PPFIA2: variants seen among roughly 807,000 people sequenced by gnomAD.
PPFIA2 encodes the protein PPFI scaffold protein A2.
Under a neutral mutation model 175.5 loss-of-function variants are expected in PPFIA2, and 46 were observed. The observed-to-expected ratio is 0.26, with a 90% CI of 0.21 to 0.34. The LOEUF (loss-of-function observed/expected upper bound fraction) is 0.34, where lower values mean the gene tolerates loss of function less well. Ranked by LOEUF, PPFIA2 falls within the 10% of genes least tolerant of loss-of-function variation. The pLI is 1.00. For synonymous variants in PPFIA2, 568 were observed against 511.4 expected, an observed-to-expected ratio of 1.11 and a Z score of -1.49; for missense variants, 1,179 against 1,506.1, an observed-to-expected ratio of 0.78 and a Z score of 3.60.
Position 81,374,625 on chromosome 12 carries a change from G to C in PPFIA2, c.1266+9C>G, listed in dbSNP as rs774034482. 2 of 1,607,306 alleles carry C rather than the reference G, an allele frequency of 1.2e-6. No individual in the cohort carries two copies. Among genetic ancestry groups the C allele is most frequent in the Admixed American group, 3.4e-5 (2 of 58,828 alleles). Reference sequence around the variant, plus strand: ...ATATCTAGGTTGACCAGTTGTTCTAGTGCAGTACCTTGGTTAGGGCTGCAA... The same window carrying C: ...ATATCTAGGTTGACCAGTTGTTCTACTGCAGTACCTTGGTTAGGGCTGCAA... On this transcript the variant is annotated intron_variant, in intron 11 of 32. Coordinates refer to ENST00000549396, the MANE Select transcript of PPFIA2 (RefSeq NM_003625.5).
At chr12:81,312,077 C>A in intron 22 of PPFIA2, 2 of 1,379,296 alleles carry the variant, frequency 1.5e-6, no homozygotes, top group South Asian at 2.6e-5. Context: ...TGTTACAACT[C>A]AAAAGAGTAA....
chr12:81,566,529 TCAAAAAAAA>T (rs2071326221), intron 4 of PPFIA2, among the ~76,000 whole-genome samples: 1 of 14,826 alleles, frequency 6.7e-5, no homozygotes, highest in African/African-American at 2.1e-4. Context: ...AGACTCCAAC[TCAAAAAAAA>T]AAAAAAAAAA....
At chr12:81,628,392 T>TC (rs1378819969) in intron 4 of PPFIA2, among the ~76,000 whole-genome samples, 1 of 148,476 alleles carries the variant, frequency 6.7e-6, no homozygotes, top group Non-Finnish European at 1.5e-5. Context: ...TTTTTTTTTT[T>TC]TTTTTGATAT....
intron 4 of PPFIA2, among the ~76,000 whole-genome samples, chr12:81,499,046 T>C (rs763519422): frequency 1.3e-4 from 20 of 152,222 alleles, no homozygotes; most frequent in Non-Finnish European, 2.8e-4. Context: ...CTGCTGGCCA[T>C]AAGCCAATAC....
chr12:81,505,685 A>G (rs545975859), intron 4 of PPFIA2: 60 of 152,318 alleles, frequency 3.9e-4, no homozygotes, highest in African/African-American at 1.4e-3. Flanking sequence ...TGTTCCACAC[A>G]ATGAGTTCCC....
intron 4 of PPFIA2, among the ~76,000 whole-genome samples, chr12:81,484,965 A>C (rs1345524927): frequency 6.6e-6 from 1 of 151,894 alleles, no homozygotes; most frequent in East Asian, 1.9e-4. Flanking sequence ...ATATAGCTAC[A>C]ATATAATTAT....
chr12:81,338,732 T>C (rs1249347009), intron 21 of PPFIA2, among the ~76,000 whole-genome samples: 4 of 152,278 alleles, frequency 2.6e-5, no homozygotes, highest in South Asian at 2.1e-4. Context: ...TAAATCTACA[T>C]AGCTAAGCTT....
intron 3 of PPFIA2, among the ~76,000 whole-genome samples, chr12:81,705,495 A>G (rs894767206): frequency 2.0e-5 from 3 of 150,818 alleles, no homozygotes; most frequent in African/African-American, 7.3e-5. Context: ...GAAAAGGAAG[A>G]TACAGTACCT....
chr12:81,325,292 A>C (rs1264844504), intron 22 of PPFIA2, among the ~76,000 whole-genome samples: 1 of 152,074 alleles, frequency 6.6e-6, no homozygotes, highest in Non-Finnish European at 1.5e-5. Context: ...ATTATATATG[A>C]ATGAAAAGAT....
intron 4 of PPFIA2, among the ~76,000 whole-genome samples, chr12:81,654,307 C>G (rs954739081): frequency 2.6e-5 from 4 of 151,172 alleles, no homozygotes; most frequent in Non-Finnish European, 5.9e-5. Context: ...ATAGTAAGTC[C>G]CAATATTAAC....
intron 28 of PPFIA2, among the ~76,000 whole-genome samples, chr12:81,276,548 G>A (rs560545426): frequency 1.3e-5 from 2 of 151,940 alleles, no homozygotes; most frequent in South Asian, 4.2e-4. Context: ...ATTCTTTCTC[G>A]GGTATATTAA....
At chr12:81,584,420 A>G (rs913199085) in intron 4 of PPFIA2, among the ~76,000 whole-genome samples, 1 of 151,962 alleles carries the variant, frequency 6.6e-6, no homozygotes, top group East Asian at 1.9e-4. Flanking sequence ...TTATAGTCCT[A>G]TTATAACCTC....
At chr12:81,408,736 A>G (rs2043371089) in intron 7 of PPFIA2, among the ~76,000 whole-genome samples, 1 of 152,234 alleles carries the variant, frequency 6.6e-6, no homozygotes, top group South Asian at 2.1e-4. Context: ...AAAATGACAT[A>G]ATTTTCAACC....
intron 4 of PPFIA2, among the ~76,000 whole-genome samples, chr12:81,488,164 C>A (rs772913892): frequency 6.6e-6 from 1 of 151,676 alleles, no homozygotes; most frequent in Non-Finnish European, 1.5e-5. Flanking sequence ...ATTCCAGTTT[C>A]TTGTTATATT....
intron 4 of PPFIA2, among the ~76,000 whole-genome samples, chr12:81,574,157 C>T (rs1307080542): frequency 1.3e-5 from 2 of 151,838 alleles, no homozygotes; most frequent in African/African-American, 2.4e-5. Context: ...AAATAACTTT[C>T]ACATTTCCTC....
At chr12:81,400,163 G>A (rs2041875595) in intron 8 of PPFIA2, among the ~76,000 whole-genome samples, 1 of 152,140 alleles carries the variant, frequency 6.6e-6, no homozygotes. Flanking sequence ...CTGGACAGCT[G>A]ACAGGTTTGC....
chr12:81,403,300 T>C (rs983730469), intron 8 of PPFIA2, among the ~76,000 whole-genome samples: 1 of 152,172 alleles, frequency 6.6e-6, no homozygotes, highest in African/African-American at 2.4e-5. Flanking sequence ...AAATCCTCCA[T>C]ATGTGCACTT....
intron 7 of PPFIA2, among the ~76,000 whole-genome samples, chr12:81,437,260 G>C (rs1426687080): frequency 2.0e-5 from 3 of 152,058 alleles, no homozygotes; most frequent in Non-Finnish European, 1.5e-5. Flanking sequence ...GACAGAGTCT[G>C]GCTGTGTTGC....
chr12:81,300,951 AC>A (rs1440163883), intron 22 of PPFIA2, among the ~76,000 whole-genome samples: 1 of 152,196 alleles, frequency 6.6e-6, no homozygotes, highest in African/African-American at 2.4e-5. Context: ...GATGGACAAA[AC>A]AAACACATGA....
Sources: allele counts gnomAD v4.1 joint callset (sites outside exome capture counted in the v4.1 genomes callset), GRCh38; gene constraint gnomAD v4.1.1; transcripts MANE v1.5; gene names NCBI Gene and HGNC (gene_info 2026-07-23, HGNC 2026-07-21).